RAPGEF6: variants seen among roughly 807,000 people sequenced by gnomAD.
RAPGEF6 encodes the protein Rap guanine nucleotide exchange factor 6, also known as PDZ domain containing guanine nucleotide exchange factor (GEF) 2.
A neutral mutation model predicts 171.4 loss-of-function variants in RAPGEF6; 56 were observed. The ratio of observed to expected loss-of-function variants is 0.33; its 90% confidence interval spans 0.26 to 0.41. RAPGEF6 has a LOEUF of 0.41. Ranked by LOEUF, RAPGEF6 falls within the 10% of genes least tolerant of loss-of-function variation. The probability of loss-of-function intolerance (pLI) is 1.00; values close to 1 mark genes in which losing one functional copy is unlikely to be tolerated. For missense variants in RAPGEF6, 1,674 were observed against 1,921.4 expected, an observed-to-expected ratio of 0.87 and a Z score of 2.41; for synonymous variants, 692 against 650.1, an observed-to-expected ratio of 1.06 and a Z score of -0.98.
At chr5:131,448,939 A>G (rs1330110955) in intron 21 of RAPGEF6, among the ~76,000 whole-genome samples, 8 of 152,184 alleles carry the variant, frequency 5.3e-5, no homozygotes, top group Non-Finnish European at 1.2e-4. Flanking sequence ...AACACATGGG[A>G]AACACACAGA....
intron 1 of RAPGEF6, among the ~76,000 whole-genome samples, chr5:131,613,318 G>A (rs1035556105): frequency 6.6e-6 from 1 of 152,164 alleles, no homozygotes; most frequent in Non-Finnish European, 1.5e-5. Flanking sequence ...GCTGAGGCAG[G>A]AGAATAGTGT....
intron 10 of RAPGEF6, among the ~76,000 whole-genome samples, 158 bp from the exon 11 acceptor site, chr5:131,504,936 C>T (rs1014550303): frequency 6.6e-5 from 10 of 152,190 alleles, no homozygotes; most frequent in African/African-American, 1.9e-4. Flanking sequence ...AAACAATTCA[C>T]GTATGAAGAG....
At chr5:131,528,287 AAATAAAATAAAATAATATATTTATAT>A (rs1460638934) in intron 6 of RAPGEF6, among the ~76,000 whole-genome samples, 12 of 114,502 alleles carry the variant, frequency 1.0e-4, no homozygotes, top group African/African-American at 4.0e-4. Context: ...ATATATATAT[AAATAAAATAAAATAATATATTTATAT>A]TATATATATA....
intron 15 of RAPGEF6, among the ~76,000 whole-genome samples, chr5:131,481,999 G>A (rs2149859587): frequency 6.6e-6 from 1 of 152,258 alleles, no homozygotes; most frequent in South Asian, 2.1e-4. Context: ...GAACTTACAA[G>A]TAAGATAGAA....
intron 5 of RAPGEF6, among the ~76,000 whole-genome samples, chr5:131,552,198 C>T (rs1188655260): frequency 6.6e-6 from 1 of 151,754 alleles, no homozygotes; most frequent in African/African-American, 2.4e-5. Flanking sequence ...TCCCAAACAG[C>T]TACACCCTCA....
chr5:131,516,266 T>C (rs1481766650), intron 7 of RAPGEF6, among the ~76,000 whole-genome samples: 1 of 151,970 alleles, frequency 6.6e-6, no homozygotes, highest in Non-Finnish European at 1.5e-5. Context: ...GTATTTTTAG[T>C]AGAGATGGGG....
intron 5 of RAPGEF6, among the ~76,000 whole-genome samples, chr5:131,556,355 C>T (rs933063544): frequency 6.6e-6 from 1 of 151,930 alleles, no homozygotes; most frequent in East Asian, 1.9e-4. Context: ...TGCAGTGAGC[C>T]GAGATCATGC....
At chr5:131,482,811 G>T (rs1394513913) in intron 15 of RAPGEF6, among the ~76,000 whole-genome samples, 1 of 152,122 alleles carries the variant, frequency 6.6e-6, no homozygotes, top group Non-Finnish European at 1.5e-5. Context: ...AAAGAAATCA[G>T]AAAGATGAGA....
At chr5:131,515,809 T>C (rs771460406) in intron 7 of RAPGEF6, among the ~76,000 whole-genome samples, 6 of 152,134 alleles carry the variant, frequency 3.9e-5, no homozygotes, top group Non-Finnish European at 7.4e-5. Flanking sequence ...CGTACATATG[T>C]GATGGGGCAG....
At chr5:131,452,034 C>T (rs574772398) in intron 21 of RAPGEF6, among the ~76,000 whole-genome samples, 14 of 152,214 alleles carry the variant, frequency 9.2e-5, no homozygotes, top group African/African-American at 3.1e-4. Context: ...AGATCGAGAC[C>T]ACGGTGAAAC....
At chr5:131,495,720 G>A in intron 12 of RAPGEF6, 60 bp from the exon 13 acceptor site, 1 of 1,550,026 alleles carries the variant, frequency 6.5e-7, no homozygotes, top group Non-Finnish European at 8.7e-7. Context: ...TGCACAAGTG[G>A]ATTCCAAAAG....
intron 19 of RAPGEF6, among the ~76,000 whole-genome samples, chr5:131,460,808 T>C (rs947904502): frequency 6.6e-6 from 1 of 152,182 alleles, no homozygotes; most frequent in Non-Finnish European, 1.5e-5. Flanking sequence ...GACAGGGTCA[T>C]GAATAAAGAG....
intron 11 of RAPGEF6, among the ~76,000 whole-genome samples, chr5:131,498,817 G>A (rs1756818083): frequency 6.6e-6 from 1 of 152,198 alleles, no homozygotes; most frequent in Non-Finnish European, 1.5e-5. Context: ...AAAAGGCAGA[G>A]AAATAAATAG....
At chr5:131,587,360 G>A (rs1763311501) in intron 4 of RAPGEF6, among the ~76,000 whole-genome samples, 1 of 152,176 alleles carries the variant, frequency 6.6e-6, no homozygotes, top group Admixed American at 6.5e-5. Flanking sequence ...AAACTCTTCA[G>A]AGATACAAGA....
chr5:131,442,567 T>C, intron 22 of RAPGEF6, 30 bp from the exon 23 acceptor site: 1 of 1,608,934 alleles, frequency 6.2e-7, no homozygotes, highest in Non-Finnish European at 8.5e-7. Flanking sequence ...AATAAGTAAC[T>C]GCACGTTTTT....
At chr5:131,502,605 T>A (rs1757098383) in intron 11 of RAPGEF6, among the ~76,000 whole-genome samples, 1 of 152,238 alleles carries the variant, frequency 6.6e-6, no homozygotes, top group African/African-American at 2.4e-5. Context: ...AGGGTAATAC[T>A]ACAGGATGTA....
chr5:131,573,530 G>C (rs1279436923), intron 4 of RAPGEF6, among the ~76,000 whole-genome samples: 1 of 151,946 alleles, frequency 6.6e-6, no homozygotes, highest in South Asian at 2.1e-4. Flanking sequence ...AGATGAACAA[G>C]AAAGAGTTTA....
At chr5:131,459,819 C>A (rs567919089) in intron 19 of RAPGEF6, among the ~76,000 whole-genome samples, 173 of 152,204 alleles carry the variant, frequency 1.1e-3, no homozygotes, top group African/African-American at 4.1e-3. Flanking sequence ...AACAGTATCT[C>A]TGGGGAGAGG....
intron 6 of RAPGEF6, among the ~76,000 whole-genome samples, chr5:131,528,328 T>TATATATATATATATATA (rs1759113776): frequency 6.5e-5 from 7 of 107,026 alleles, no homozygotes; most frequent in Non-Finnish European, 1.2e-4. Context: ...TATATATATA[T>TATATATATATATATATA]ATATATATAT....
Sources: allele counts gnomAD v4.1 joint callset (sites outside exome capture counted in the v4.1 genomes callset), GRCh38; gene constraint gnomAD v4.1.1; transcripts MANE v1.5; gene names NCBI Gene and HGNC (gene_info 2026-07-23, HGNC 2026-07-21).